FAT3: variants seen among roughly 807,000 people sequenced by gnomAD.
FAT3 encodes the protein FAT atypical cadherin 3, also known as protocadherin Fat 3.
Under a neutral mutation model 310.2 loss-of-function variants are expected in FAT3, and 95 were observed. The observed-to-expected ratio is 0.31, with a 90% CI of 0.26 to 0.36. The LOEUF (loss-of-function observed/expected upper bound fraction) is 0.36, where lower values mean the gene tolerates loss of function less well. FAT3 is among the 10% of genes least tolerant of loss of function. The pLI is 1.00. For synonymous variants in FAT3, 2,314 were observed against 2,192.9 expected, an observed-to-expected ratio of 1.06 and a Z score of -1.54; for missense variants, 5,408 against 5,715.6, an observed-to-expected ratio of 0.95 and a Z score of 1.74.
rs767242558 is a variant in FAT3, at chr11:92,355,305, G to A, written c.3193G>A (p.Val1065Met). Residue 1065 changes from valine (V) to methionine (M), a missense_variant, in exon 2 of 28, where the codon GTG (valine) becomes ATG (methionine). By Grantham distance (21) the Val-to-Met change is conservative. This residue lies in a region of FAT3 where 4,588 missense variants were observed against 4,809.8 expected (regional missense o/e 0.95). Coordinates refer to ENST00000525166, the MANE Select transcript of FAT3 (RefSeq NM_001367949.2). ...NSRIGTSVLQ[V>M]TARDEDSGRD... is the part of the protein sequence containing the mutation. ...ACGCATTGGAACAAGCGTGCTGCAG[G>A]TGACTGCTCGAGATGAAGACTCCGG... The A allele has an allele frequency of 2.6e-5, 42 of 1,613,832 alleles. No homozygotes were observed. Among genetic ancestry groups the A allele is most frequent in the Middle Eastern group, 3.3e-4 (2 of 6,062 alleles).
chr11:92,862,717 AC>A (rs1261925263), intron 21 of FAT3, among the ~76,000 whole-genome samples: 41 of 152,218 alleles, frequency 2.7e-4, no homozygotes, highest in Admixed American at 2.6e-3. Context: ...TAAGAATGTC[AC>A]CAAAAAATAA....
chr11:92,291,117 ATG>A (rs778990670), intron 1 of FAT3, among the ~76,000 whole-genome samples: 2,842 of 148,532 alleles, frequency 0.019, 50 homozygotes, highest in African/African-American at 0.043. Context: ...ACACACACAC[ATG>A]CACGCGCGCA....
Position 92,893,192 on chromosome 11 carries a change from CTAAG to C in FAT3, c.*2085_*2088del, listed in dbSNP as rs1949954466. ...AAATCCTTTTTCATTCCCAAACTTT[CTAAG>C]TAAGTGGATACACTACACTTCACAA... On this transcript the variant is annotated 3_prime_UTR_variant, in exon 28 of 28. Transcript: ENST00000525166. The C allele has an allele frequency of 6.6e-6, 1 of 150,554 alleles. No homozygotes were observed. The highest frequency in any genetic ancestry group is 1.5e-5 in the Non-Finnish European group (1 of 67,544). The allele number at this position is 150,554 out of a possible 1,614,324, so 9.3% of individuals were successfully genotyped here.
At chr11:92,774,935 A>G (rs979937508) in intron 7 of FAT3, among the ~76,000 whole-genome samples, 16 of 152,218 alleles carry the variant, frequency 1.1e-4, no homozygotes, top group Non-Finnish European at 1.8e-4. Flanking sequence ...GACTAGCACA[A>G]TGTTAGATAA....
chr11:92,821,838 A>T (rs924798068), intron 13 of FAT3, among the ~76,000 whole-genome samples: 1 of 152,088 alleles, frequency 6.6e-6, no homozygotes, highest in African/African-American at 2.4e-5. Context: ...TTTACCTCCT[A>T]CCAGTGTTAG....
chr11:92,581,013 T>G (rs1053783709), intron 3 of FAT3, among the ~76,000 whole-genome samples: 1 of 152,074 alleles, frequency 6.6e-6, no homozygotes, highest in Non-Finnish European at 1.5e-5. Context: ...GGGTTTAGCC[T>G]CTCTGGCTAA....
intron 1 of FAT3, among the ~76,000 whole-genome samples, chr11:92,303,095 A>G (rs1947040373): frequency 2.0e-5 from 3 of 152,112 alleles, no homozygotes; most frequent in South Asian, 2.1e-4. Flanking sequence ...TGATGTATCC[A>G]TGGATGTTTG....
intron 3 of FAT3, among the ~76,000 whole-genome samples, chr11:92,677,458 C>G (rs1943324339): frequency 6.6e-6 from 1 of 152,220 alleles, no homozygotes; most frequent in African/African-American, 2.4e-5. Context: ...TCACACTGAC[C>G]TCTTTTGTCT....
intron 4 of FAT3, among the ~76,000 whole-genome samples, chr11:92,724,081 G>C (rs1299211962): frequency 2.0e-5 from 3 of 152,218 alleles, no homozygotes; most frequent in Non-Finnish European, 4.4e-5. Context: ...ACAGTGTTGT[G>C]GGTGGGTTGT....
chr11:92,596,514 CAG>C (rs936825690), intron 3 of FAT3, among the ~76,000 whole-genome samples: 1 of 152,146 alleles, frequency 6.6e-6, no homozygotes, highest in African/African-American at 2.4e-5. Flanking sequence ...CCTTTGATGA[CAG>C]AGAGAACTAT....
intron 5 of FAT3, 35 bp downstream of exon 5, chr11:92,762,205 G>T (rs371260654): frequency 3.2e-6 from 5 of 1,561,884 alleles, no homozygotes; most frequent in Non-Finnish European, 3.5e-6. Context: ...CACAGCAGAT[G>T]GGGGGAAGTG....
rs1247882435 is a variant in FAT3, at chr11:92,800,165, C to A, written c.7152C>A (p.Ile2384=). 6.2e-7 allele frequency: 1 copy of A among 1,613,860 alleles called. No homozygotes were observed. The highest frequency in any genetic ancestry group is 8.5e-7 in the Non-Finnish European group (1 of 1,179,874). ...GTGAGGTTCTCGTTCATATCTACAT[C>A]TCTGATGTAAATGACAACCCTCCAG... ...LSSEVLVHIY[I]SDVNDNPPVF... The change falls in exon 10 of 28, where the codon ATC becomes ATA. Residue 2384 remains isoleucine (I), a synonymous_variant. Coordinates refer to ENST00000525166, the MANE Select transcript of FAT3 (RefSeq NM_001367949.2).
chr11:92,469,364 A>G (rs1048860954), intron 2 of FAT3, among the ~76,000 whole-genome samples: 2 of 152,212 alleles, frequency 1.3e-5, no homozygotes, highest in Non-Finnish European at 2.9e-5. Context: ...CTGATTCGCC[A>G]TCTGTCTCTT....
At chr11:92,576,145 C>T (rs1276723421) in intron 3 of FAT3, among the ~76,000 whole-genome samples, 1 of 152,120 alleles carries the variant, frequency 6.6e-6, no homozygotes, top group Non-Finnish European at 1.5e-5. Context: ...TAAGGGAGGA[C>T]TTCAGGTCCA....
At chr11:92,449,239 A>G (rs1456410035) in intron 2 of FAT3, among the ~76,000 whole-genome samples, 1 of 152,194 alleles carries the variant, frequency 6.6e-6, no homozygotes, top group African/African-American at 2.4e-5. Context: ...GTATTTATCA[A>G]TTAGAAATGC....
At chr11:92,533,397 G>A (rs1015991323) in intron 3 of FAT3, among the ~76,000 whole-genome samples, 1 of 152,060 alleles carries the variant, frequency 6.6e-6, no homozygotes, top group African/African-American at 2.4e-5. Flanking sequence ...GCGAACTAGT[G>A]CCACCATCCA....
At position 92,352,397 on chromosome 11, in the gene FAT3, G is replaced by A. The variant is rs748640495; in HGVS notation, c.285G>A (p.Glu95=). ...ACGAGGAAGGCTTTTTCAAAGCAGA[G>A]GAAGTCATCATTGCAGATTTCTGTT... ...SGDEEGFFKA[E]EVIIADFCFL... Residue 95 remains glutamate, a synonymous_variant, in exon 2 of 28, where the codon GAG becomes GAA. Transcript: ENST00000525166. 1.9e-6 allele frequency: 3 copies of A among 1,611,064 alleles called. No homozygotes were observed. Among genetic ancestry groups the A allele is most frequent in the Non-Finnish European group, 2.5e-6 (3 of 1,178,622 alleles).
intron 4 of FAT3, among the ~76,000 whole-genome samples, chr11:92,703,658 G>A (rs1440203603): frequency 6.6e-6 from 1 of 152,102 alleles, no homozygotes; most frequent in African/African-American, 2.4e-5. Context: ...TATTCTTATT[G>A]TATCAACCTC....
At chr11:92,355,885 G>C (rs1188668213) in intron 2 of FAT3, among the ~76,000 whole-genome samples, 1 of 152,112 alleles carries the variant, frequency 6.6e-6, no homozygotes. Context: ...TATCTTTCAT[G>C]GGTTCATCTG....
Sources: gnomAD v4.1 joint callset for allele counts (sites outside exome capture counted in the v4.1 genomes callset) on GRCh38, gnomAD v4.1.1 for gene constraint, gnomAD v4.1.1 regional missense constraint, MANE v1.5 for transcripts, NCBI Gene and HGNC (gene_info 2026-07-23, HGNC 2026-07-21) for gene names.